The following ZDHHC21 variants were observed in gnomAD, a reference collection of about 807,000 sequenced individuals.
ZDHHC21 encodes the protein zDHHC palmitoyltransferase 21.
ZDHHC21 carries 15 observed loss-of-function variants against 34.6 expected under a neutral mutation model. That is an observed-to-expected ratio of 0.43 (90% confidence interval 0.29 to 0.67). ZDHHC21 has a LOEUF of 0.67. ZDHHC21 is among the 30% of genes least tolerant of loss of function. The pLI is 0.14. For synonymous variants in ZDHHC21, 142 were observed against 101.8 expected, an observed-to-expected ratio of 1.40 and a Z score of -2.38; for missense variants, 344 against 327.7, an observed-to-expected ratio of 1.05 and a Z score of -0.38.
At chr9:14,640,550 A>G (rs534259719) in intron 7 of ZDHHC21, among the ~76,000 whole-genome samples, 1 of 152,244 alleles carries the variant, frequency 6.6e-6, no homozygotes, top group East Asian at 1.9e-4. Flanking sequence ...CTTCAAGCCT[A>G]CTTCATTCAT....
intron 2 of ZDHHC21, 41 bp downstream of exon 2, chr9:14,690,296 G>T (rs1032359349): frequency 2.2e-6 from 1 of 446,402 alleles, no homozygotes; most frequent in East Asian, 7.0e-5. Context: ...AAGCAGCCAT[G>T]ATTTAAGAAC....
rs971813557 is a variant in ZDHHC21, at chr9:14,616,028, A to C, written c.*2938T>G. ...TATAACTCTGCGAAATGTAAAAAAA[A>C]GAACAAAGAAAAGGAAAATTATACA... is the stretch of plus-strand genomic sequence containing the variant. On this transcript the variant is annotated 3_prime_UTR_variant, in exon 10 of 10. Transcript: ENST00000380916. 9 of 151,758 alleles carry C rather than the reference A, an allele frequency of 5.9e-5. No homozygotes were observed. Among genetic ancestry groups the C allele is most frequent in the African/African-American group, 2.2e-4 (9 of 41,440 alleles). The allele number at this position is 151,758 out of a possible 1,614,324, so 9.4% of individuals were successfully genotyped here. A position where few individuals can be genotyped will look rare whatever the true frequency, so the allele number is the denominator to read the frequency against.
In ZDHHC21 at chr9:14,618,918, A is replaced by G. The variant is rs1411794175; in HGVS notation, c.*48T>C. ...ATAGTTCTATTATCATAAAACCTGT[A>G]ACGCATTGCCAGCATGGAGGACCCA... On this transcript the variant is annotated 3_prime_UTR_variant, in exon 10 of 10. Coordinates refer to ENST00000380916, the MANE Select transcript of ZDHHC21 (RefSeq NM_178566.6). The G allele has an allele frequency of 2.0e-6, 3 of 1,524,392 alleles. No individual in the cohort carries two copies. In the Admixed American group the frequency reaches 6.3e-5, roughly 32 times the overall value. The allele number at this position is 1,524,392 out of a possible 1,614,324, so 94.4% of individuals were successfully genotyped here.
At chr9:14,665,611 A>G (rs1834285841) in intron 5 of ZDHHC21, among the ~76,000 whole-genome samples, 1 of 145,754 alleles carries the variant, frequency 6.9e-6, no homozygotes, top group African/African-American at 2.5e-5. Context: ...AGGTCGGGTT[A>G]CCCTCAAAGG....
At chr9:14,602,320 G>C in the ZDHHC21 span, among the ~76,000 whole-genome samples, 418 of 152,032 alleles carry the variant, frequency 2.7e-3, 2 homozygotes, top group Admixed American at 5.9e-3. Context: ...AATGAAGAAA[G>C]CCTACAATGA....
At chr9:14,661,734 T>C (rs1431957417) in intron 6 of ZDHHC21, among the ~76,000 whole-genome samples, 1 of 152,172 alleles carries the variant, frequency 6.6e-6, no homozygotes, top group Non-Finnish European at 1.5e-5. Flanking sequence ...TACATAATGG[T>C]AGTAGCTATA....
At chr9:14,687,849 A>T (rs891728399) in intron 2 of ZDHHC21, among the ~76,000 whole-genome samples, 1 of 150,768 alleles carries the variant, frequency 6.6e-6, no homozygotes, top group Non-Finnish European at 1.5e-5. Context: ...AAACATACCA[A>T]TTTTTTTTCC....
the ZDHHC21 span, among the ~76,000 whole-genome samples, chr9:14,598,111 C>A: frequency 2.6e-5 from 4 of 152,126 alleles, no homozygotes; most frequent in African/African-American, 9.7e-5. Flanking sequence ...GCCTCCACAA[C>A]CAGCCCAGAG....
Position 14,619,080 on chromosome 9 carries a change from T to A in ZDHHC21, c.684A>T (p.Pro228=). 2 of 1,610,948 alleles carry A rather than the reference T, an allele frequency of 1.2e-6. No individual in the cohort carries two copies. Among genetic ancestry groups the A allele is most frequent in the Non-Finnish European group, 1.7e-6 (2 of 1,178,562 alleles). The change falls in exon 10 of 10, where the codon CCA becomes CCT. Residue 228 remains proline (P), a synonymous_variant. Transcript: ENST00000380916. ...CCEDISRPRK[P]WQQTFSEVFG... ...AAACTTCTGAGAAGGTCTGCTGCCA[T>A]GGCTTTCGGGGCCTCGATCTACAGA...
At chr9:14,652,326 T>C (rs190751832) in intron 7 of ZDHHC21, among the ~76,000 whole-genome samples, 304 of 152,054 alleles carry the variant, frequency 2.0e-3, no homozygotes, top group African/African-American at 7.0e-3. Flanking sequence ...AATCAATATC[T>C]ATAGCTTAAA....
intron 7 of ZDHHC21, among the ~76,000 whole-genome samples, chr9:14,640,789 G>A (rs1209709863): frequency 6.6e-6 from 1 of 152,146 alleles, no homozygotes; most frequent in African/African-American, 2.4e-5. Context: ...TTGAAATGCT[G>A]TGATTTAAAG....
chr9:14,687,852 T>G lies in ZDHHC21; in HGVS notation c.-176+2485A>C, dbSNP rs1050966622. Among the ~76,000 whole-genome samples the G allele has an allele frequency of 8.0e-5, 12 of 150,902 alleles. 1 individual carries two copies. The highest frequency in any genetic ancestry group is 3.0e-4 in the African/African-American group (12 of 40,172). ...AGCTAAGTTTTCAAACATACCAATT[T>G]TTTTTCCACAGTGCCAAGAGAAAAT... On this transcript the variant is annotated intron_variant, in intron 2 of 9. Transcript: ENST00000380916.
downstream of ZDHHC21, among the ~76,000 whole-genome samples, chr9:14,610,583 G>C (rs1431282645): frequency 6.6e-6 from 1 of 151,892 alleles, no homozygotes; most frequent in Non-Finnish European, 1.5e-5. Context: ...CTGTCTTTAA[G>C]ACCTGCTGAT....
At chr9:14,603,113 T>C in the ZDHHC21 span, among the ~76,000 whole-genome samples, 1 of 152,068 alleles carries the variant, frequency 6.6e-6, no homozygotes, top group South Asian at 2.1e-4. Context: ...ATTTTGAATA[T>C]GTTGATAGCT....
intron 5 of ZDHHC21, among the ~76,000 whole-genome samples, chr9:14,665,008 G>C (rs1162920864): frequency 7.5e-6 from 1 of 132,932 alleles, no homozygotes; most frequent in East Asian, 2.2e-4. Flanking sequence ...GAATGACTTT[G>C]ACGAGCTGAG....
At chr9:14,674,048 T>C (rs1354825067) in intron 4 of ZDHHC21, 139 bp downstream of exon 4, 1 of 472,936 alleles carries the variant, frequency 2.1e-6, no homozygotes, top group Admixed American at 4.5e-5. Context: ...GTTCATAAAT[T>C]AGTAAATAAC....
intron 8 of ZDHHC21, among the ~76,000 whole-genome samples, chr9:14,634,811 C>A (rs965635476): frequency 2.6e-5 from 4 of 151,952 alleles, no homozygotes; most frequent in African/African-American, 9.7e-5. Flanking sequence ...TATGGCACTC[C>A]AAAGAAATAC....
intron 7 of ZDHHC21, among the ~76,000 whole-genome samples, chr9:14,642,542 T>G (rs1829549232): frequency 6.6e-6 from 1 of 152,086 alleles, no homozygotes; most frequent in Non-Finnish European, 1.5e-5. Context: ...TTTAAAGCAG[T>G]GACTAAAATA....
Position 14,616,610 on chromosome 9 carries a change from T to C in ZDHHC21, c.*2356A>G, listed in dbSNP as rs2133395571. ...ACACCAGTAGATATGCTTAGCAAAC[T>C]GCCAGTTGGTTTTTCTCTAGTAGTC... On this transcript the variant is annotated 3_prime_UTR_variant, in exon 10 of 10. Coordinates refer to ENST00000380916, the MANE Select transcript of ZDHHC21 (RefSeq NM_178566.6). The C allele has an allele frequency of 6.6e-6, 1 of 151,920 alleles. No individual in the cohort carries two copies. Among genetic ancestry groups the C allele is most frequent in the East Asian group, 1.9e-4 (1 of 5,156 alleles). The allele number at this position is 151,920 out of a possible 1,614,324, so 9.4% of individuals were successfully genotyped here.
Sources: gnomAD v4.1 joint callset for allele counts (sites outside exome capture counted in the v4.1 genomes callset) on GRCh38, gnomAD v4.1.1 for gene constraint, MANE v1.5 for transcripts, NCBI Gene and HGNC (gene_info 2026-07-23, HGNC 2026-07-21) for gene names.